PKIG: variants seen among roughly 807,000 people sequenced by gnomAD.
The protein encoded by PKIG is cAMP-dependent protein kinase inhibitor gamma.
A neutral mutation model predicts 6.8 loss-of-function variants in PKIG; 1 was observed. The ratio of observed to expected loss-of-function variants is 0.15; its 90% confidence interval spans 0.05 to 0.69. The LOEUF is 0.69. Ranked by LOEUF, PKIG falls within the 30% of genes least tolerant of loss-of-function variation. PKIG has a pLI of 0.82. For synonymous variants in PKIG, 39 were observed against 43.0 expected, an observed-to-expected ratio of 0.91 and a Z score of 0.36; for missense variants, 77 against 104.0, an observed-to-expected ratio of 0.74 and a Z score of 1.13.
At chr20:44,560,601 G>T (rs1307934421) in intron 1 of PKIG, among the ~76,000 whole-genome samples, 1 of 152,156 alleles carries the variant, frequency 6.6e-6, no homozygotes, top group Non-Finnish European at 1.5e-5. Flanking sequence ...TTAGCTTGTT[G>T]TCCGTCAAGG....
chr20:44,564,550 G>A (rs1414418280), intron 1 of PKIG, among the ~76,000 whole-genome samples: 1 of 151,976 alleles, frequency 6.6e-6, no homozygotes, highest in Non-Finnish European at 1.5e-5. Flanking sequence ...ATAGTGTTGA[G>A]TTACTGTGAA....
chr20:44,589,427 G>A (rs1005332824), intron 1 of PKIG, among the ~76,000 whole-genome samples: 1 of 152,030 alleles, frequency 6.6e-6, no homozygotes, highest in South Asian at 2.1e-4. Context: ...AATCAAGCAT[G>A]TACTTTTTTC....
rs1475952600 is a variant in PKIG, at chr20:44,599,864, C to T, written c.-24+9998C>T. Reference sequence around the variant, plus strand: ...TAGGTGAGGTGCCCAGCATCATGTGCCACTGTAGGGACAGCAGCTGAGACT... The same window carrying T: ...TAGGTGAGGTGCCCAGCATCATGTGTCACTGTAGGGACAGCAGCTGAGACT... On this transcript the variant is annotated intron_variant, in intron 2 of 3. Coordinates refer to ENST00000372886, the MANE Select transcript of PKIG (RefSeq NM_001281445.2). Among the ~76,000 whole-genome samples, 3 of 152,182 alleles carry T rather than the reference C, an allele frequency of 2.0e-5. No homozygotes were observed. The East Asian group carries it at 5.8e-4, about 29-fold the overall frequency.
chr20:44,587,882 G>A (rs1458939846), intron 1 of PKIG, among the ~76,000 whole-genome samples: 4 of 152,282 alleles, frequency 2.6e-5, no homozygotes, highest in Non-Finnish European at 2.9e-5. Flanking sequence ...TAGAGCCTGC[G>A]GCCATCATTT....
At chr20:44,565,397 G>A (rs960333831) in intron 1 of PKIG, among the ~76,000 whole-genome samples, 1 of 152,176 alleles carries the variant, frequency 6.6e-6, no homozygotes, top group Non-Finnish European at 1.5e-5. Flanking sequence ...CACTGTAGTT[G>A]GCATAAGCAG....
At chr20:44,589,076 A>G (rs1334463715) in intron 1 of PKIG, among the ~76,000 whole-genome samples, 1 of 152,222 alleles carries the variant, frequency 6.6e-6, no homozygotes, top group African/African-American at 2.4e-5. Context: ...GCCCTTTTCT[A>G]TATATACTGA....
chr20:44,534,790 T>A (rs913058146), intron 1 of PKIG, among the ~76,000 whole-genome samples: 1 of 152,084 alleles, frequency 6.6e-6, no homozygotes, highest in African/African-American at 2.4e-5. Context: ...TCTTAATGAA[T>A]AATGTGATGT....
chr20:44,580,609 A>G (rs926353053), upstream of PKIG, among the ~76,000 whole-genome samples: 5 of 151,728 alleles, frequency 3.3e-5, no homozygotes, highest in African/African-American at 1.2e-4. Context: ...CGGCCTCCCA[A>G]AGTGCTAGGA....
chr20:44,576,158 A>AGTGTGTGTGT lies in PKIG; in HGVS notation c.-240-6394_-240-6385dup, dbSNP rs3221821. Among the ~76,000 whole-genome samples the AGTGTGTGTGT allele has an allele frequency of 1.9e-3, 271 of 140,596 alleles. 1 individual carries two copies. The highest frequency in any genetic ancestry group is 4.8e-3 in the African/African-American group (181 of 37,976). The allele number at this position is 140,596 out of a possible 152,430, so 92.2% of individuals were successfully genotyped here. Reference sequence around the variant, plus strand: ...TTTTACCATAGACTGGACTAAGTAGAGTGTGTGTGTGTGTGTGTGTGTGTG... The same window carrying AGTGTGTGTGT: ...TTTTACCATAGACTGGACTAAGTAGAGTGTGTGTGTGTGTGTGTGTGTGTGTGTGTGTGTG... On this transcript the variant is annotated intron_variant, in intron 1 of 4. Transcript: ENST00000372887.
chr20:44,608,920 A>G (rs1834642133), intron 2 of PKIG, among the ~76,000 whole-genome samples: 1 of 152,226 alleles, frequency 6.6e-6, no homozygotes, highest in African/African-American at 2.4e-5. Flanking sequence ...AGATATGGAA[A>G]AAGTTGAGGT....
chr20:44,560,109 GC>G (rs2064753928), intron 1 of PKIG, among the ~76,000 whole-genome samples: 1 of 151,964 alleles, frequency 6.6e-6, no homozygotes, highest in South Asian at 2.1e-4. Flanking sequence ...AATTAGCTGG[GC>G]ATGGTGTTGC....
rs190650362 is a variant in PKIG, at chr20:44,532,700, G to A, written c.-241+722G>A. 5.4e-4 allele frequency among the ~76,000 whole-genome samples: 83 copies of A among 152,348 alleles called. 1 individual carries two copies. The highest frequency in any genetic ancestry group is 1.9e-3 in the African/African-American group (81 of 41,576). On this transcript the variant is annotated intron_variant, in intron 1 of 4. Transcript: ENST00000372887. ...CTGGATTTCTGGAGGTGAGGTTAGT[G>A]TGGATGATCAGGGAGAGATGCCAAA...
At chr20:44,582,001 G>C (rs1300425639), upstream of PKIG, among the ~76,000 whole-genome samples, 1 of 152,156 alleles carries the variant, frequency 6.6e-6, no homozygotes, top group Non-Finnish European at 1.5e-5. Context: ...TTCAGTTGAA[G>C]GCCTGACCAA....
chr20:44,582,854 A>C (rs892854081), intron 1 of PKIG, 123 bp downstream of exon 1: 1 of 152,202 alleles, frequency 6.6e-6, no homozygotes, highest in East Asian at 1.9e-4. Flanking sequence ...ATTTTTATAT[A>C]ATGATATATG....
chr20:44,606,011 A>G (rs2065160971), intron 2 of PKIG, among the ~76,000 whole-genome samples: 1 of 152,234 alleles, frequency 6.6e-6, no homozygotes, highest in African/African-American at 2.4e-5. Context: ...CATAAAATAA[A>G]ATAAAGATCA....
intron 1 of PKIG, among the ~76,000 whole-genome samples, chr20:44,538,874 C>T (rs1050856110): frequency 2.6e-5 from 4 of 152,028 alleles, no homozygotes; most frequent in African/African-American, 9.7e-5. Context: ...CCTCCTATCT[C>T]AGCCTCATCA....
intron 2 of PKIG, among the ~76,000 whole-genome samples, chr20:44,604,941 TA>T (rs1312233810): frequency 2.6e-5 from 4 of 151,632 alleles, no homozygotes; most frequent in African/African-American, 9.7e-5. Context: ...AAATACAAGA[TA>T]AATTGGGGGA....
At chr20:44,569,425 A>G (rs1369591521) in intron 1 of PKIG, among the ~76,000 whole-genome samples, 1 of 152,238 alleles carries the variant, frequency 6.6e-6, no homozygotes, top group South Asian at 2.1e-4. Flanking sequence ...ATAAACATTC[A>G]GAACAGAAAG....
chr20:44,554,732 A>G (rs1226344527), intron 1 of PKIG, among the ~76,000 whole-genome samples: 1 of 152,204 alleles, frequency 6.6e-6, no homozygotes, highest in East Asian at 1.9e-4. Context: ...TGTAAGATCC[A>G]AAGTGTCTAT....
Sources: gnomAD v4.1 joint callset for allele counts (sites outside exome capture counted in the v4.1 genomes callset) on GRCh38, gnomAD v4.1.1 for gene constraint, MANE v1.5 for transcripts, NCBI Gene and HGNC (gene_info 2026-07-23, HGNC 2026-07-21) for gene names.